WNT2: variants seen among roughly 807,000 people sequenced by gnomAD.
WNT2 encodes the protein protein Wnt-2.
A neutral mutation model predicts 36.9 loss-of-function variants in WNT2; 12 were observed. That is an observed-to-expected ratio of 0.33 (90% CI 0.21 to 0.53). WNT2 has a LOEUF of 0.53. Among genes scored for constraint, WNT2 ranks in the 20% least tolerant of loss-of-function variants. The pLI, the probability that WNT2 is intolerant of heterozygous loss-of-function variation, is 0.95. For missense variants in WNT2, 379 were observed against 473.1 expected (o/e 0.80, Z 1.84); for synonymous variants, 163 against 174.6 (o/e 0.93, Z 0.52).
intron 2 of WNT2, among the ~76,000 whole-genome samples, chr7:117,317,422 T>A (rs949160364): frequency 6.6e-6 from 1 of 152,232 alleles, no homozygotes; most frequent in Non-Finnish European, 1.5e-5. Context: ...CATTACTAAA[T>A]AGCTAGATGT....
chr7:117,320,932 G>C (rs1307919971), intron 1 of WNT2, 139 bp from the exon 2 acceptor site: 20 of 796,964 alleles, frequency 2.5e-5, no homozygotes, highest in Non-Finnish European at 3.9e-5. Flanking sequence ...GAAAGCAAGG[G>C]TATTTACTTT....
intron 3 of WNT2, among the ~76,000 whole-genome samples, chr7:117,299,494 C>CTTTTT (rs113776491): frequency 1.4e-5 from 2 of 138,860 alleles, no homozygotes; most frequent in African/African-American, 2.6e-5. Context: ...TTCTTTCTTT[C>CTTTTT]TTTTTTTTTT....
At chr7:117,280,900 T>C (rs1794470625) in intron 4 of WNT2, among the ~76,000 whole-genome samples, 1 of 152,214 alleles carries the variant, frequency 6.6e-6, no homozygotes, top group Non-Finnish European at 1.5e-5. Flanking sequence ...ACATGGGATA[T>C]ATCAGAGAAA....
intron 4 of WNT2, among the ~76,000 whole-genome samples, chr7:117,282,625 T>C (rs1320603743): frequency 1.3e-5 from 2 of 150,702 alleles, no homozygotes; most frequent in Admixed American, 1.3e-4. Context: ...AAGGGGAGAG[T>C]GTCAGGAGAT....
At chr7:117,287,070 C>T (rs1212024425) in intron 4 of WNT2, among the ~76,000 whole-genome samples, 3 of 152,336 alleles carry the variant, frequency 2.0e-5, no homozygotes, top group South Asian at 2.1e-4. Flanking sequence ...TACTCTCGGC[C>T]GGGCACGGTG....
chr7:117,282,706 A>G (rs1794511942), intron 4 of WNT2, among the ~76,000 whole-genome samples: 1 of 152,206 alleles, frequency 6.6e-6, no homozygotes, highest in South Asian at 2.1e-4. Context: ...TGAGGGCAAC[A>G]GAATGCTATT....
intron 4 of WNT2, among the ~76,000 whole-genome samples, chr7:117,296,937 A>G (rs1794801606): frequency 6.6e-6 from 1 of 152,200 alleles, no homozygotes; most frequent in African/African-American, 2.4e-5. Context: ...AGGGAAGGTG[A>G]AGTAGGGCAG....
At chr7:117,306,252 C>T (rs1795013112) in intron 3 of WNT2, among the ~76,000 whole-genome samples, 1 of 152,060 alleles carries the variant, frequency 6.6e-6, no homozygotes, top group Non-Finnish European at 1.5e-5. Context: ...AGAGGGGAAA[C>T]ATTACATGTC....
intron 3 of WNT2, among the ~76,000 whole-genome samples, chr7:117,301,802 CTTTTTTT>C (rs1181700612): frequency 1.8e-5 from 2 of 112,518 alleles, no homozygotes; most frequent in African/African-American, 3.6e-5. Flanking sequence ...TCCCTCCATT[CTTTTTTT>C]TTTTTTTTTT....
At chr7:117,299,753 C>G (rs1794866078) in intron 3 of WNT2, among the ~76,000 whole-genome samples, 1 of 152,118 alleles carries the variant, frequency 6.6e-6, no homozygotes, top group African/African-American at 2.4e-5. Flanking sequence ...ATCTCAGCCT[C>G]CCAAAATGGT....
chr7:117,299,208 G>T (rs1426687480), intron 3 of WNT2, among the ~76,000 whole-genome samples: 1 of 152,178 alleles, frequency 6.6e-6, no homozygotes, highest in Non-Finnish European at 1.5e-5. Context: ...GAAGCTCACA[G>T]GATGGCCTGG....
intron 4 of WNT2, among the ~76,000 whole-genome samples, chr7:117,280,808 G>C (rs1794468494): frequency 4.6e-5 from 7 of 152,236 alleles, no homozygotes; most frequent in Admixed American, 4.6e-4. Context: ...TAAAATAAGT[G>C]CTCAATAAAT....
chr7:117,286,770 A>AAAGACAATATCTTCACTTAT (rs533842244), intron 4 of WNT2, among the ~76,000 whole-genome samples: 61,955 of 151,712 alleles, frequency 0.41, 12,945 homozygotes, highest in Middle Eastern at 0.53. Context: ...GCTACATAGG[A>AAAGACAATATCTTCACTTAT]AAGACAATAT....
chr7:117,293,783 G>A (rs952496154), intron 4 of WNT2, among the ~76,000 whole-genome samples: 1 of 152,088 alleles, frequency 6.6e-6, no homozygotes, highest in Non-Finnish European at 1.5e-5. Flanking sequence ...TCAATAATGT[G>A]TGCATGCTGG....
chr7:117,308,012 C>T (rs1299611590), intron 3 of WNT2, among the ~76,000 whole-genome samples: 1 of 152,148 alleles, frequency 6.6e-6, no homozygotes, highest in Non-Finnish European at 1.5e-5. Context: ...ATCAGTTTTC[C>T]TGAGGGAAAC....
Position 117,278,117 on chromosome 7 carries a change from C to T in WNT2, c.*38G>A. On this transcript the variant is annotated 3_prime_UTR_variant, in exon 5 of 5. Transcript: ENST00000265441. ...GTGTTCTTGCAGATCCAATGGAGTC[C>T]TTGTAGAAGGGAAGGTGGATGGTGA... 6.2e-7 allele frequency: 1 copy of T among 1,606,990 alleles called. No individual in the cohort carries two copies. The highest frequency in any genetic ancestry group is 8.5e-7 in the Non-Finnish European group (1 of 1,174,212).
At position 117,277,854 on chromosome 7, in the gene WNT2, A is replaced by G. The variant is rs1794407257; in HGVS notation, c.*301T>C. The stretch of plus-strand genomic sequence containing the variant: ...AGAAGAAACGTCAAGGTGGGTGGAG[A>G]CAGTGGTCTGGGCCCACCACCCTCC... On this transcript the variant is annotated 3_prime_UTR_variant, in exon 5 of 5. Coordinates refer to ENST00000265441, the MANE Select transcript of WNT2 (RefSeq NM_003391.3). 1 of 380,360 alleles carries G rather than the reference A, an allele frequency of 2.6e-6. No homozygotes were observed. The highest frequency in any genetic ancestry group is 2.0e-5 in the African/African-American group (1 of 49,594). The allele number at this position is 380,360 out of a possible 1,614,324, so 23.6% of individuals were successfully genotyped here. A position where few individuals can be genotyped will look rare whatever the true frequency, so the allele number is the denominator to read the frequency against.
At chr7:117,320,065 T>C (rs1003680942) in intron 2 of WNT2, among the ~76,000 whole-genome samples, 6 of 152,226 alleles carry the variant, frequency 3.9e-5, no homozygotes, top group African/African-American at 1.4e-4. Context: ...GCTGAGTAGC[T>C]AAATGGAAGG....
intron 4 of WNT2, among the ~76,000 whole-genome samples, chr7:117,288,571 T>C (rs1264699815): frequency 6.6e-6 from 1 of 152,232 alleles, no homozygotes; most frequent in African/African-American, 2.4e-5. Context: ...ACACATTTAA[T>C]TGGTAATTCG....
Sources: allele counts gnomAD v4.1 joint callset (sites outside exome capture counted in the v4.1 genomes callset), GRCh38; gene constraint gnomAD v4.1.1; transcripts MANE v1.5; gene names NCBI Gene and HGNC (gene_info 2026-07-23, HGNC 2026-07-21).